PPIP5K2: variants seen among roughly 807,000 people sequenced by gnomAD.
The protein encoded by PPIP5K2 is diphosphoinositol pentakisphosphate kinase 2.
In PPIP5K2, 105 loss-of-function variants were observed where a neutral mutation model predicts 154.6. The ratio of observed to expected loss-of-function variants is 0.68; its 90% CI spans 0.58 to 0.80. The LOEUF is 0.80. Among genes scored for constraint, PPIP5K2 ranks in the 30% least tolerant of loss-of-function variants. PPIP5K2 has a pLI of 0.00. For synonymous variants in PPIP5K2, 480 were observed against 490.3 expected (o/e 0.98, Z 0.28); for missense variants, 992 against 1,504.6 (o/e 0.66, Z 5.64).
chr5:103,171,840 C>T (rs1393432621), intron 19 of PPIP5K2, among the ~76,000 whole-genome samples: 1 of 151,526 alleles, frequency 6.6e-6, no homozygotes, highest in African/African-American at 2.4e-5. Context: ...TATTTTACAA[C>T]CTAATTTTTT....
chr5:103,123,380 C>T (rs903249649), intron 1 of PPIP5K2, among the ~76,000 whole-genome samples: 3 of 152,148 alleles, frequency 2.0e-5, no homozygotes, highest in African/African-American at 2.4e-5. Flanking sequence ...TCCAGGACGA[C>T]GAGCAACATC....
intron 5 of PPIP5K2, among the ~76,000 whole-genome samples, chr5:103,143,777 A>T (rs1427053778): frequency 6.7e-6 from 1 of 149,084 alleles, no homozygotes; most frequent in Non-Finnish European, 1.5e-5. Context: ...GTATGGAATG[A>T]ACTTACCTCT....
chr5:103,160,194 A>G (rs1480380838), intron 17 of PPIP5K2, among the ~76,000 whole-genome samples: 1 of 152,094 alleles, frequency 6.6e-6, no homozygotes, highest in Non-Finnish European at 1.5e-5. Flanking sequence ...TTGATTCCAG[A>G]TCTTATCTAT....
intron 5 of PPIP5K2, among the ~76,000 whole-genome samples, chr5:103,138,738 T>C (rs1483890543): frequency 6.6e-6 from 1 of 152,238 alleles, no homozygotes; most frequent in Non-Finnish European, 1.5e-5. Context: ...TGAAATTACA[T>C]ACAAGTAAAT....
chr5:103,151,173 A>G, intron 8 of PPIP5K2, 80 bp from the exon 9 acceptor site: 2 of 1,178,962 alleles, frequency 1.7e-6, no homozygotes, highest in South Asian at 3.6e-5. Flanking sequence ...ATAAAATTTG[A>G]TATGTTCTGA....
Position 103,133,450 on chromosome 5 carries a change from T to C in PPIP5K2, c.115-3T>C. 1.9e-6 allele frequency: 3 copies of C among 1,598,656 alleles called. No individual in the cohort carries two copies. The highest frequency in any genetic ancestry group is 2.6e-6 in the Non-Finnish European group (3 of 1,176,450). ...CCGATTTTTTGTTTCATTTTTGTTT[T>C]AGCCACCAGAAAGGCAGATTGTGGT... On this transcript the variant is annotated splice_region_variant and splice_polypyrimidine_tract_variant and intron_variant, in intron 2 of 30. Coordinates refer to ENST00000358359, the MANE Select transcript of PPIP5K2 (RefSeq NM_001276277.3).
chr5:103,163,466 T>G (rs1406069504), intron 17 of PPIP5K2, among the ~76,000 whole-genome samples: 1 of 152,032 alleles, frequency 6.6e-6, no homozygotes, highest in African/African-American at 2.4e-5. Context: ...TCATTAGTTC[T>G]AATAATTTAT....
chr5:103,156,095 T>G (rs1795371530), intron 14 of PPIP5K2, 101 bp downstream of exon 14: 1 of 717,548 alleles, frequency 1.4e-6, no homozygotes, highest in Non-Finnish European at 2.3e-6. Context: ...GTTTAGGGAA[T>G]GGCATGGTGA....
intron 14 of PPIP5K2, 76 bp from the exon 15 acceptor site, chr5:103,158,112 A>G: frequency 6.8e-7 from 1 of 1,480,630 alleles, no homozygotes. Flanking sequence ...AAGAGAGCAC[A>G]GAGAAAAAAA....
chr5:103,201,849 T>C lies in PPIP5K2; in HGVS notation c.*215T>C, dbSNP rs549179730. On this transcript the variant is annotated 3_prime_UTR_variant, in exon 31 of 31. Transcript: ENST00000358359. Reference sequence around the variant, plus strand: ...CAAAACTTATAGTGATAAAAATCGATTGTTGTTAATATGATGTTTACCATG... The same window carrying C: ...CAAAACTTATAGTGATAAAAATCGACTGTTGTTAATATGATGTTTACCATG... The C allele has an allele frequency of 1.2e-5, 6 of 484,222 alleles. No homozygotes were observed. In the East Asian group the frequency reaches 2.3e-4, roughly 18 times the overall value. The allele number at this position is 484,222 out of a possible 1,614,324, so 30.0% of individuals were successfully genotyped here.
chr5:103,197,420 A>G (rs546456587), intron 30 of PPIP5K2, among the ~76,000 whole-genome samples: 44 of 151,674 alleles, frequency 2.9e-4, no homozygotes, highest in Admixed American at 7.2e-4. Context: ...GAATGTGGTA[A>G]TAACTTCTGT....
chr5:103,161,313 T>A (rs1370357480), intron 17 of PPIP5K2, among the ~76,000 whole-genome samples: 1 of 152,338 alleles, frequency 6.6e-6, no homozygotes, highest in East Asian at 1.9e-4. Context: ...GGCTGCATAG[T>A]ATTCCATGGT....
intron 1 of PPIP5K2, among the ~76,000 whole-genome samples, chr5:103,125,437 C>T (rs1355568581): frequency 6.7e-6 from 1 of 149,332 alleles, no homozygotes; most frequent in Non-Finnish European, 1.5e-5. Flanking sequence ...AATCCATGCT[C>T]TTAACCACTA....
At chr5:103,172,932 A>T (rs1261833279) in intron 19 of PPIP5K2, among the ~76,000 whole-genome samples, 2 of 151,878 alleles carry the variant, frequency 1.3e-5, no homozygotes, top group African/African-American at 4.8e-5. Context: ...GCCTTCAGAA[A>T]TTACTGGCTT....
At chr5:103,125,796 G>A (rs1554200542) in intron 1 of PPIP5K2, among the ~76,000 whole-genome samples, 3 of 152,110 alleles carry the variant, frequency 2.0e-5, no homozygotes, top group African/African-American at 7.2e-5. Context: ...ACCATGCCGG[G>A]CTAATTTTTA....
At chr5:103,136,349 AG>A (rs1252946431) in intron 3 of PPIP5K2, among the ~76,000 whole-genome samples, 1 of 152,132 alleles carries the variant, frequency 6.6e-6, no homozygotes, top group African/African-American at 2.4e-5. Context: ...CTAAGTGAAA[AG>A]AAGAGATGTT....
At chr5:103,191,395 TAGAA>T (rs1801213996) in intron 29 of PPIP5K2, among the ~76,000 whole-genome samples, 1 of 152,092 alleles carries the variant, frequency 6.6e-6, no homozygotes, top group Admixed American at 6.6e-5. Flanking sequence ...GGTAAGTAGT[TAGAA>T]AGAGCTTTTA....
intron 3 of PPIP5K2, among the ~76,000 whole-genome samples, chr5:103,135,502 G>C (rs759673779): frequency 1.8e-4 from 27 of 152,076 alleles, no homozygotes; most frequent in Non-Finnish European, 3.1e-4. Flanking sequence ...TATAGTCATA[G>C]CTCCCTGTAA....
At chr5:103,124,072 A>T (rs34788) in intron 1 of PPIP5K2, among the ~76,000 whole-genome samples, 1 of 151,860 alleles carries the variant, frequency 6.6e-6, no homozygotes, top group African/African-American at 2.4e-5. Flanking sequence ...CGAGGTCAGG[A>T]GATTGAAACC....
Sources: gnomAD v4.1 joint callset for allele counts (sites outside exome capture counted in the v4.1 genomes callset) on GRCh38, gnomAD v4.1.1 for gene constraint, MANE v1.5 for transcripts, NCBI Gene and HGNC (gene_info 2026-07-23, HGNC 2026-07-21) for gene names.